ZNF540: variants seen among roughly 807,000 people sequenced by gnomAD.
ZNF540 encodes the protein CTD-3064H18.6.
Under a neutral mutation model 11.8 loss-of-function variants are expected in ZNF540, and 3 were observed. The observed-to-expected ratio is 0.25, with a 90% confidence interval of 0.12 to 0.65. ZNF540 has a LOEUF of 0.65. Among genes scored for constraint, ZNF540 ranks in the 30% least tolerant of loss-of-function variants. The pLI is 0.83. For missense variants in ZNF540, 709 were observed against 793.1 expected (o/e 0.89, Z 1.27); for synonymous variants, 247 against 259.0 (o/e 0.95, Z 0.45).
intron 1 of ZNF540, among the ~76,000 whole-genome samples, chr19:37,558,949 G>A: frequency 6.6e-6 from 1 of 152,060 alleles, no homozygotes; most frequent in East Asian, 1.9e-4. Context: ...AAATTCAGGT[G>A]ATCCTCCCAC....
chr19:37,591,566 T>C (rs2043868199), upstream of ZNF540, among the ~76,000 whole-genome samples: 1 of 152,188 alleles, frequency 6.6e-6, no homozygotes, highest in African/African-American at 2.4e-5. Flanking sequence ...TATCTTGAGA[T>C]GGAGTTTCAC....
chr19:37,590,474 T>C (rs1460609781), upstream of ZNF540, among the ~76,000 whole-genome samples: 1 of 152,002 alleles, frequency 6.6e-6, no homozygotes, highest in Non-Finnish European at 1.5e-5. Flanking sequence ...ATTGGTGAAA[T>C]TTTTCTATGA....
intron 1 of ZNF540, among the ~76,000 whole-genome samples, chr19:37,573,766 G>A (rs977411957): frequency 6.6e-6 from 1 of 150,738 alleles, no homozygotes; most frequent in African/African-American, 2.4e-5. Context: ...GCCCGAGTGT[G>A]AGGCTGCAGT....
At chr19:37,592,284 T>A, upstream of ZNF540, among the ~76,000 whole-genome samples, 1 of 152,172 alleles carries the variant, frequency 6.6e-6, no homozygotes, top group East Asian at 1.9e-4. Flanking sequence ...GTATCAATCA[T>A]AAGTGGACGT....
chr19:37,558,904 G>A (rs1023005638), intron 1 of ZNF540, among the ~76,000 whole-genome samples: 62 of 152,090 alleles, frequency 4.1e-4, no homozygotes, highest in Admixed American at 3.9e-3. Flanking sequence ...TAATGCAGTG[G>A]CATGATCACA....
intron 1 of ZNF540, among the ~76,000 whole-genome samples, chr19:37,557,568 C>A (rs1167472471): frequency 6.6e-6 from 1 of 152,216 alleles, no homozygotes; most frequent in Non-Finnish European, 1.5e-5. Context: ...GTACTCCCTG[C>A]TCGAGAAAGC....
chr19:37,585,655 G>C (rs1018025589), intron 1 of ZNF540: 1 of 152,202 alleles, frequency 6.6e-6, no homozygotes, highest in Admixed American at 6.5e-5. Flanking sequence ...TTCCTGAATA[G>C]AGCTAACCAT....
rs1000732555 is a variant in ZNF540 at position 37,566,219 on chromosome 19, C to T, written c.-73+14554C>T. On this transcript the variant is annotated intron_variant, in intron 1 of 4. Transcript: ENST00000592533. ...GTTGATACGTTTCCCCATATTCTCCCACTGGAGTGATTCCATTTCATAAAT... is the reference window on the plus strand; with the variant it reads ...GTTGATACGTTTCCCCATATTCTCCTACTGGAGTGATTCCATTTCATAAAT... 11 of 1,613,736 alleles carry T rather than the reference C, an allele frequency of 6.8e-6. No homozygotes were observed. The African/African-American group carries it at 1.3e-4, about 20-fold the overall frequency.
At chr19:37,553,113 CTTTTTTTTTTTTTTTTT>C (rs746114598) in intron 1 of ZNF540, among the ~76,000 whole-genome samples, 11 of 33,126 alleles carry the variant, frequency 3.3e-4, no homozygotes, top group Non-Finnish European at 4.4e-4. Flanking sequence ...AACCTAACAT[CTTTTTTTTTTTTTTTTT>C]TTTTTTTTTT....
chr19:37,557,207 G>T (rs573931545), intron 1 of ZNF540, among the ~76,000 whole-genome samples: 1 of 152,316 alleles, frequency 6.6e-6, no homozygotes, highest in African/African-American at 2.4e-5. Flanking sequence ...CTCCTGGCAA[G>T]TTTCTTCGGA....
chr19:37,596,496 A>G (rs907263015), intron 1 of ZNF540, among the ~76,000 whole-genome samples: 1 of 152,156 alleles, frequency 6.6e-6, no homozygotes, highest in Non-Finnish European at 1.5e-5. Context: ...ATTATTTCTG[A>G]TGGCTACTTT....
chr19:37,561,099 G>T (rs2042712830), intron 1 of ZNF540, among the ~76,000 whole-genome samples: 1 of 149,060 alleles, frequency 6.7e-6, no homozygotes, highest in Non-Finnish European at 1.5e-5. Flanking sequence ...AAATTATCCA[G>T]GTGTGGTGGT....
upstream of ZNF540, among the ~76,000 whole-genome samples, chr19:37,591,327 C>G (rs572392354): frequency 6.6e-6 from 1 of 152,224 alleles, no homozygotes; most frequent in African/African-American, 2.4e-5. Flanking sequence ...AGAATCATGA[C>G]AGAAAGACAC....
intron 1 of ZNF540, among the ~76,000 whole-genome samples, chr19:37,578,030 AC>A (rs1394353244): frequency 6.6e-6 from 1 of 152,146 alleles, no homozygotes; most frequent in African/African-American, 2.4e-5. Flanking sequence ...AGGAGCTCGA[AC>A]CCTATAGTAA....
chr19:37,610,872 A>G (rs546602960), intron 4 of ZNF540: 133 of 152,256 alleles, frequency 8.7e-4, no homozygotes, highest in African/African-American at 2.9e-3. Context: ...TCAGATACCA[A>G]ATTACTCCTG....
upstream of ZNF540, among the ~76,000 whole-genome samples, chr19:37,593,720 AC>A (rs2043934975): frequency 6.6e-6 from 1 of 152,086 alleles, no homozygotes; most frequent in African/African-American, 2.4e-5. Context: ...AAACAAACAA[AC>A]AAAAAAATCT....
intron 1 of ZNF540, among the ~76,000 whole-genome samples, chr19:37,596,225 A>T (rs995636273): frequency 6.6e-6 from 1 of 152,196 alleles, no homozygotes; most frequent in Admixed American, 6.5e-5. Flanking sequence ...TTGTTTGAAG[A>T]TATTCGCGTC....
At chr19:37,564,067 G>A (rs1405500505) in intron 1 of ZNF540, 2 of 152,122 alleles carry the variant, frequency 1.3e-5, no homozygotes, top group African/African-American at 4.8e-5. Flanking sequence ...ATGCTCAGAA[G>A]TCCTTCATAC....
In ZNF540 at chr19:37,599,760, C is replaced by G; in HGVS notation, c.136+8C>G. 1 of 1,586,580 alleles carries G rather than the reference C, an allele frequency of 6.3e-7. No homozygotes were observed. Among genetic ancestry groups the G allele is most frequent in the Non-Finnish European group, 8.6e-7 (1 of 1,165,426 alleles). The stretch of plus-strand genomic sequence containing the variant: ...ATAACTTGGTCTCACTGGGTAAGGT[C>G]ACCTATGTCAAATAATGTAGACTCT... On this transcript the variant is annotated splice_region_variant and intron_variant, in intron 3 of 4. Transcript: ENST00000316433.
Sources: gnomAD v4.1 joint callset for allele counts (sites outside exome capture counted in the v4.1 genomes callset) on GRCh38, gnomAD v4.1.1 for gene constraint, MANE v1.5 for transcripts, NCBI Gene and HGNC (gene_info 2026-07-23, HGNC 2026-07-21) for gene names.